BAIAP2L2: variants seen among roughly 807,000 people sequenced by gnomAD.
The protein encoded by BAIAP2L2 is BAR/IMD domain containing adaptor protein 2 like 2.
A neutral mutation model predicts 60.4 loss-of-function variants in BAIAP2L2; 65 were observed. The observed-to-expected ratio is 1.08, with a 90% confidence interval of 0.88 to 1.32. BAIAP2L2 has a LOEUF of 1.32. Ranked by LOEUF, BAIAP2L2 falls within the 40% of genes most tolerant of loss-of-function variation. The pLI is 0.00. For missense variants in BAIAP2L2, 836 were observed against 741.2 expected (o/e 1.13, Z -1.48); for synonymous variants, 344 against 301.7 (o/e 1.14, Z -1.45).
intron 4 of BAIAP2L2, among the ~76,000 whole-genome samples, chr22:38,107,222 C>A (rs1370166445): frequency 6.6e-6 from 1 of 152,016 alleles, no homozygotes; most frequent in Non-Finnish European, 1.5e-5. Flanking sequence ...ACTGGACTTG[C>A]CCCAGGGAGT....
Position 38,109,217 on chromosome 22 carries a change from C to A in BAIAP2L2, c.52-9G>T. On this transcript the variant is annotated splice_polypyrimidine_tract_variant and intron_variant, in intron 1 of 13. Coordinates refer to ENST00000381669, the MANE Select transcript of BAIAP2L2 (RefSeq NM_025045.6). ...AACTGCTCCATGATGCTCTGGACCC[C>A]AGGGTCAGGGGAGGAAAAAGGTGTA... 6.2e-7 allele frequency: 1 copy of A among 1,605,850 alleles called. No individual in the cohort carries two copies. Among genetic ancestry groups the A allele is most frequent in the Non-Finnish European group, 8.5e-7 (1 of 1,173,096 alleles).
At chr22:38,100,096 G>C (rs1005374361) in intron 4 of BAIAP2L2, among the ~76,000 whole-genome samples, 1 of 152,160 alleles carries the variant, frequency 6.6e-6, no homozygotes, top group African/African-American at 2.4e-5. Flanking sequence ...GAAGGAAGTG[G>C]CACGTAGGTT....
chr22:38,089,171 C>G lies in BAIAP2L2; in HGVS notation c.826G>C (p.Gly276Arg), dbSNP rs2086201614. 2 of 1,324,266 alleles carry G rather than the reference C, an allele frequency of 1.5e-6. No individual in the cohort carries two copies. The highest frequency in any genetic ancestry group is 1.9e-6 in the Non-Finnish European group (2 of 1,041,218). The allele number at this position is 1,324,266 out of a possible 1,614,324, so 82.0% of individuals were successfully genotyped here. A position where few individuals can be genotyped will look rare whatever the true frequency, so the allele number is the denominator to read the frequency against. The change falls in exon 9 of 14, where the codon GGC (glycine) becomes CGC (arginine). Residue 276 changes from glycine to arginine, a missense_variant. Physicochemically the swap from Gly to Arg is moderately radical, Grantham distance 125 (BLOSUM62 -2). Transcript: ENST00000381669. Reference sequence around the variant, plus strand: ...GCGGGCCTCGCGTCGGGCTCGGTGCCGTAGGAGCCGGAGCCGTGCCGGCTG... The same window carrying G: ...GCGGGCCTCGCGTCGGGCTCGGTGCGGTAGGAGCCGGAGCCGTGCCGGCTG... ...PRSRHGSGSYGTEPDARPASQ... is the reference protein window; with the variant it reads ...PRSRHGSGSYRTEPDARPASQ...
At chr22:38,092,638 G>GAGTT (rs1461254045) in intron 7 of BAIAP2L2, among the ~76,000 whole-genome samples, 2 of 152,102 alleles carry the variant, frequency 1.3e-5, no homozygotes, top group African/African-American at 2.4e-5. Flanking sequence ...GCTATCTTAG[G>GAGTT]AGTTAGATCT....
chr22:38,101,905 A>C (rs1602023423), intron 4 of BAIAP2L2, among the ~76,000 whole-genome samples: 2 of 152,116 alleles, frequency 1.3e-5, no homozygotes, highest in African/African-American at 4.8e-5. Flanking sequence ...CAAAAGAAAA[A>C]AATAAACTCA....
At position 38,110,131 on chromosome 22, in the gene BAIAP2L2, GAGAGA is replaced by G. The variant is rs1569234450; in HGVS notation, c.51+339_51+343del. Among the ~76,000 whole-genome samples, 240 of 75,082 alleles carry G rather than the reference GAGAGA, an allele frequency of 3.2e-3. 7 individuals are homozygous for G. Among genetic ancestry groups the G allele is most frequent in the African/African-American group, 0.027 (229 of 8,502 alleles). The allele number at this position is 75,082 out of a possible 152,430, so 49.3% of individuals were successfully genotyped here. On this transcript the variant is annotated intron_variant, in intron 1 of 13. Transcript: ENST00000381669. ...AGGGAGAGAGAGAGGGAGAGAGAGA[GAGAGA>G]GAGAGAGAGAGAGGGAGAGACAGAG...
In BAIAP2L2 at chr22:38,085,282, A is replaced by AT. The variant is rs754871642; in HGVS notation, c.*17_*18insA. 58 of 1,611,890 alleles carry AT rather than the reference A, an allele frequency of 3.6e-5. No homozygotes were observed. The African/African-American group carries it at 6.9e-4, about 19-fold the overall frequency. On this transcript the variant is annotated 3_prime_UTR_variant, in exon 14 of 14. Coordinates refer to ENST00000381669, the MANE Select transcript of BAIAP2L2 (RefSeq NM_025045.6). ...CCCCTGGGCAGGTGCACTGTGGGGT[A>AT]CGACCTCGGACCCCGCCTCAGCGGA...
intron 1 of BAIAP2L2, among the ~76,000 whole-genome samples, chr22:38,109,814 TCCTC>T (rs1233476149): frequency 6.6e-6 from 1 of 151,866 alleles, no homozygotes; most frequent in Non-Finnish European, 1.5e-5. Context: ...CAGCACCTCT[TCCTC>T]CCTCCGTGAC....
Position 38,087,144 on chromosome 22 carries a change from G to GGCGTTCAT in BAIAP2L2, c.1238_1239insATGAACGC (p.Gly414Ter), listed in dbSNP as rs1569215526. Reference sequence around the variant, plus strand: ...GGTACCTGGAAGGCAGCTCGTTCCCGGGGTTCATGGGTGTCATGGGGGACA... The same window carrying GGCGTTCAT: ...GGTACCTGGAAGGCAGCTCGTTCCCGGCGTTCATGGGTTCATGGGTGTCATGGGGGACA... On this transcript the variant is annotated stop_gained and frameshift_variant, in exon 11 of 14. Coordinates refer to ENST00000381669, the MANE Select transcript of BAIAP2L2 (RefSeq NM_025045.6). LOFTEE classifies it high-confidence loss of function. 6.3e-7 allele frequency: 1 copy of GGCGTTCAT among 1,587,140 alleles called. No homozygotes were observed. The highest frequency in any genetic ancestry group is 1.8e-5 in the Admixed American group (1 of 54,314).
chr22:38,110,860 C>G (rs1569235427), upstream of BAIAP2L2, among the ~76,000 whole-genome samples: 1 of 152,112 alleles, frequency 6.6e-6, no homozygotes, highest in Non-Finnish European at 1.5e-5. Flanking sequence ...CTGGGTCACC[C>G]CCTCCTCAAG....
Position 38,085,509 on chromosome 22 carries a change from G to A in BAIAP2L2, c.1515-134C>T, listed in dbSNP as rs9610902. 469,960 of 1,245,312 alleles carry A rather than the reference G, an allele frequency of 0.38. 93,536 individuals are homozygous for A. Among genetic ancestry groups the A allele is most frequent in the Admixed American group, 0.47 (24,146 of 51,330 alleles). 77.1% of individuals were successfully genotyped at this position (1,245,312 alleles called of 1,614,324 possible). A position where few individuals can be genotyped will look rare whatever the true frequency, so the allele number is the denominator to read the frequency against. On this transcript the variant is annotated intron_variant, in intron 13 of 13. Coordinates refer to ENST00000381669, the MANE Select transcript of BAIAP2L2 (RefSeq NM_025045.6). ...TTGGTCTCCATCCACTCCTTGCCCCGCTTCATCTTTTTTTTTCTTTTAAGA... is the reference window on the plus strand; with the variant it reads ...TTGGTCTCCATCCACTCCTTGCCCCACTTCATCTTTTTTTTTCTTTTAAGA...
chr22:38,089,534 G>A lies in BAIAP2L2; in HGVS notation c.753C>T (p.Thr251=), dbSNP rs528087907. 49 of 1,218,858 alleles carry A rather than the reference G, an allele frequency of 4.0e-5. No individual in the cohort carries two copies. The Middle Eastern group carries it at 1.3e-3, about 32-fold the overall frequency. 75.5% of individuals were successfully genotyped at this position (1,218,858 alleles called of 1,614,324 possible). A position where few individuals can be genotyped will look rare whatever the true frequency, so the allele number is the denominator to read the frequency against. Reference sequence around the variant, plus strand: ...CCCAGGGCCTCACCATGTCCAGGCAGGTGGGCGTCAGGCGGCCCGAGGGGT... The same window carrying A: ...CCCAGGGCCTCACCATGTCCAGGCAAGTGGGCGTCAGGCGGCCCGAGGGGT... ...PPYPSGRLTP[T]CLDMPPRPLG... The change falls in exon 8 of 14, where the codon ACC becomes ACT. Residue 251 remains threonine (T), a synonymous_variant. Coordinates refer to ENST00000381669, the MANE Select transcript of BAIAP2L2 (RefSeq NM_025045.6).
At chr22:38,090,012 T>TA (rs1159582645) in intron 7 of BAIAP2L2, 3 of 204,952 alleles carry the variant, frequency 1.5e-5, no homozygotes, top group Non-Finnish European at 2.9e-5. Flanking sequence ...CCTGCAGCGA[T>TA]AGGCTCAGGA....
chr22:38,098,567 G>C (rs1400346317), intron 4 of BAIAP2L2, 85 bp from the exon 5 acceptor site: 6 of 1,109,718 alleles, frequency 5.4e-6, no homozygotes, highest in Non-Finnish European at 8.0e-6. Context: ...TGCTATAACA[G>C]ACTGCCCATC....
At chr22:38,088,411 C>G (rs1035402611) in intron 10 of BAIAP2L2, among the ~76,000 whole-genome samples, 1 of 152,228 alleles carries the variant, frequency 6.6e-6, no homozygotes, top group African/African-American at 2.4e-5. Context: ...AGGGCTGACT[C>G]TGCAGAGGGG....
At chr22:38,086,610 C>T (rs1601982415) in intron 11 of BAIAP2L2, among the ~76,000 whole-genome samples, 161 bp from the exon 12 acceptor site, 1 of 152,046 alleles carries the variant, frequency 6.6e-6, no homozygotes, top group African/African-American at 2.4e-5. Flanking sequence ...TGAGAGGAGG[C>T]AGAGGGATGG....
In BAIAP2L2 at chr22:38,108,237, G is replaced by A. The variant is rs770978814; in HGVS notation, c.214+18C>T. On this transcript the variant is annotated intron_variant, in intron 3 of 13. Coordinates refer to ENST00000381669, the MANE Select transcript of BAIAP2L2 (RefSeq NM_025045.6). Reference sequence around the variant, plus strand: ...GGAGGGCCCAAGAATGGGGTCTGCTGTGGAGGGGGAGCCTCACCCAGAATC... The same window carrying A: ...GGAGGGCCCAAGAATGGGGTCTGCTATGGAGGGGGAGCCTCACCCAGAATC... The A allele has an allele frequency of 3.1e-6, 5 of 1,607,632 alleles. No individual in the cohort carries two copies. In the African/African-American group the frequency reaches 6.7e-5, roughly 21 times the overall value.
chr22:38,108,359 C>T lies in BAIAP2L2; in HGVS notation c.128-18G>A. Reference sequence around the variant, plus strand: ...GGACAGAGCTGTGGACCAGAAGGGACAGGTCTGGTCCAGCCCTGCCTCTGC... The same window carrying T: ...GGACAGAGCTGTGGACCAGAAGGGATAGGTCTGGTCCAGCCCTGCCTCTGC... On this transcript the variant is annotated intron_variant, in intron 2 of 13. Transcript: ENST00000381669. 1 of 1,601,080 alleles carries T rather than the reference C, an allele frequency of 6.2e-7. No individual in the cohort carries two copies. Among genetic ancestry groups the T allele is most frequent in the Non-Finnish European group, 8.5e-7 (1 of 1,172,482 alleles).
chr22:38,098,041 C>G (rs371450984), intron 6 of BAIAP2L2, 22 bp downstream of exon 6: 2 of 1,537,186 alleles, frequency 1.3e-6, no homozygotes, highest in Non-Finnish European at 1.8e-6. Context: ...CCTGGCCCAC[C>G]CCCGCTTCCC....
Sources: gnomAD v4.1 joint callset for allele counts (sites outside exome capture counted in the v4.1 genomes callset) on GRCh38, gnomAD v4.1.1 for gene constraint, MANE v1.5 for transcripts, NCBI Gene and HGNC (gene_info 2026-07-23, HGNC 2026-07-21) for gene names.